Variants in TMEM108 observed in about 807,000 individuals in gnomAD.
TMEM108 encodes the protein transmembrane protein 108, also known as cancer/testis antigen 124.
In TMEM108, 12 loss-of-function variants were observed where a neutral mutation model predicts 35.1. The ratio of observed to expected loss-of-function variants is 0.34; its 90% CI spans 0.22 to 0.55. The LOEUF is 0.55. Ranked by LOEUF, TMEM108 falls within the 20% of genes least tolerant of loss-of-function variation. TMEM108 has a pLI of 0.89. For synonymous variants in TMEM108, 287 were observed against 308.6 expected (o/e 0.93, Z 0.73); for missense variants, 680 against 753.3 (o/e 0.90, Z 1.14).
At chr3:133,268,042 G>C (rs1342251782) in intron 3 of TMEM108, among the ~76,000 whole-genome samples, 1 of 152,204 alleles carries the variant, frequency 6.6e-6, no homozygotes, top group African/African-American at 2.4e-5. Context: ...TCAAGCTTAT[G>C]ATCTGGAATG....
chr3:133,168,830 A>C (rs1945084313), intron 2 of TMEM108, among the ~76,000 whole-genome samples: 2 of 152,186 alleles, frequency 1.3e-5, no homozygotes, highest in African/African-American at 4.8e-5. Flanking sequence ...CTCACCGTGA[A>C]GGTTTGCGGC....
At chr3:133,049,598 A>C (rs1235280847) in intron 2 of TMEM108, among the ~76,000 whole-genome samples, 2 of 152,106 alleles carry the variant, frequency 1.3e-5, no homozygotes, top group East Asian at 3.9e-4. Flanking sequence ...TGAACTTTTT[A>C]CCTTGCTCTG....
chr3:133,238,072 C>T (rs1946264119), intron 3 of TMEM108, among the ~76,000 whole-genome samples: 1 of 152,048 alleles, frequency 6.6e-6, no homozygotes, highest in African/African-American at 2.4e-5. Flanking sequence ...GACTACCTTT[C>T]CAGCCTCATC....
rs117120075 is a variant in TMEM108, at chr3:133,121,396, C to G, written c.-47+75376C>G. The stretch of plus-strand genomic sequence containing the variant: ...GTTGAATCAATATCTAGAATATGCT[C>G]TTGACAGCTCTGGAGCAAAAAGCCA... On this transcript the variant is annotated intron_variant, in intron 2 of 5. Transcript: ENST00000321871. Among the ~76,000 whole-genome samples, 646 of 152,280 alleles carry G rather than the reference C, an allele frequency of 4.2e-3. 11 individuals are homozygous for G. Among genetic ancestry groups the G allele is most frequent in the East Asian group, 0.03 (154 of 5,190 alleles).
At chr3:133,190,344 A>G (rs1010180597) in intron 2 of TMEM108, among the ~76,000 whole-genome samples, 3 of 152,148 alleles carry the variant, frequency 2.0e-5, no homozygotes, top group Admixed American at 2.0e-4. Context: ...ACCATGCAAG[A>G]TATCATTTTC....
intron 2 of TMEM108, among the ~76,000 whole-genome samples, chr3:133,063,616 T>C (rs1470644022): frequency 3.9e-5 from 6 of 152,140 alleles, no homozygotes; most frequent in African/African-American, 1.4e-4. Flanking sequence ...AAGTGTAAGG[T>C]TGAGAAATGA....
At chr3:133,076,640 A>G (rs1480138245) in intron 2 of TMEM108, among the ~76,000 whole-genome samples, 1 of 152,160 alleles carries the variant, frequency 6.6e-6, no homozygotes, top group African/African-American at 2.4e-5. Context: ...ATTCTCTCAG[A>G]TTTTTCTAGT....
At chr3:133,343,316 T>C (rs1387523431) in intron 3 of TMEM108, among the ~76,000 whole-genome samples, 1 of 151,918 alleles carries the variant, frequency 6.6e-6, no homozygotes. Flanking sequence ...ACGTTTCTTA[T>C]AAAGCTGAGT....
intron 2 of TMEM108, among the ~76,000 whole-genome samples, chr3:133,092,276 T>C (rs1034450646): frequency 2.0e-4 from 31 of 152,244 alleles, no homozygotes; most frequent in Non-Finnish European, 7.3e-5. Flanking sequence ...TCTAGAACTT[T>C]CTTCTACATT....
chr3:133,304,262 G>T (rs1947270700), intron 3 of TMEM108, among the ~76,000 whole-genome samples: 2 of 152,184 alleles, frequency 1.3e-5, no homozygotes, highest in South Asian at 2.1e-4. Flanking sequence ...ATTCAGCCAT[G>T]ATCATAAAGA....
chr3:133,212,945 G>C (rs1335991941), intron 2 of TMEM108, among the ~76,000 whole-genome samples: 1 of 151,014 alleles, frequency 6.6e-6, no homozygotes, highest in Non-Finnish European at 1.5e-5. Flanking sequence ...CTTTATGGAA[G>C]TGAAGGATAT....
Position 133,075,535 on chromosome 3 carries a change from C to A in TMEM108, c.-47+29515C>A, listed in dbSNP as rs542352182. 7.2e-5 allele frequency among the ~76,000 whole-genome samples: 11 copies of A among 152,264 alleles called. No homozygotes were observed. The South Asian group carries it at 2.3e-3, about 32-fold the overall frequency. On this transcript the variant is annotated intron_variant, in intron 2 of 5. Transcript: ENST00000321871. ...CAACCCTACTGAATAGTAATCCTAA[C>A]CCTCAAGAAGTCCAGACCATCACTA...
chr3:133,367,643 A>G (rs2072539287), intron 3 of TMEM108, among the ~76,000 whole-genome samples: 1 of 152,222 alleles, frequency 6.6e-6, no homozygotes, highest in Admixed American at 6.5e-5. Flanking sequence ...CAACAGAACC[A>G]AGTGAGAATA....
chr3:133,144,900 C>T (rs1472192839), intron 2 of TMEM108, among the ~76,000 whole-genome samples: 1 of 152,054 alleles, frequency 6.6e-6, no homozygotes, highest in Non-Finnish European at 1.5e-5. Flanking sequence ...CAAAAATTTT[C>T]TCCCATTCTG....
intron 2 of TMEM108, among the ~76,000 whole-genome samples, chr3:133,197,356 G>T (rs535610071): frequency 4.3e-4 from 65 of 152,260 alleles, no homozygotes; most frequent in African/African-American, 1.5e-3. Flanking sequence ...TATTTGGGAG[G>T]TGATACCAGG....
At chr3:133,155,882 G>A (rs1308287407) in intron 2 of TMEM108, among the ~76,000 whole-genome samples, 2 of 151,864 alleles carry the variant, frequency 1.3e-5, no homozygotes, top group Non-Finnish European at 2.9e-5. Context: ...TGCTGAAATT[G>A]CTTTTGGCAT....
intron 2 of TMEM108, among the ~76,000 whole-genome samples, chr3:133,120,245 A>G (rs1374232258): frequency 1.3e-5 from 2 of 152,198 alleles, no homozygotes; most frequent in Non-Finnish European, 2.9e-5. Context: ...AATATCAAGC[A>G]GTCTGTATTA....
At chr3:133,094,217 T>TCCCCC (rs1576314941) in intron 2 of TMEM108, among the ~76,000 whole-genome samples, 23 of 41,468 alleles carry the variant, frequency 5.5e-4, no homozygotes, top group Non-Finnish European at 6.2e-4. Flanking sequence ...CCTTCCCACC[T>TCCCCC]CCCACCCCAC....
rs186034021 is a variant in TMEM108 at position 133,324,048 on chromosome 3, T to A, written c.41-55704T>A. ...ACTCAAGATAGATCAAAGACTTAAA[T>A]CTGAGACCTGAAACCATAAAAATTA... On this transcript the variant is annotated intron_variant, in intron 3 of 5. Transcript: ENST00000321871. 3.3e-5 allele frequency among the ~76,000 whole-genome samples: 5 copies of A among 152,236 alleles called. No individual in the cohort carries two copies. The East Asian group carries it at 7.7e-4, about 23-fold the overall frequency.
Sources: allele counts gnomAD v4.1 joint callset (sites outside exome capture counted in the v4.1 genomes callset), GRCh38; gene constraint gnomAD v4.1.1; transcripts MANE v1.5; gene names NCBI Gene and HGNC (gene_info 2026-07-23, HGNC 2026-07-21).